The following SSPN variants were observed in gnomAD, a reference collection of about 807,000 sequenced individuals.
SSPN encodes sarcospan.
In SSPN, 15 loss-of-function variants were observed where a neutral mutation model predicts 19.1. The observed-to-expected ratio is 0.78, with a 90% CI of 0.52 to 1.21. SSPN has a LOEUF of 1.21. SSPN is among the 50% of genes most tolerant of loss of function. SSPN has a pLI of 0.00. For synonymous variants in SSPN, 147 were observed against 140.3 expected, an observed-to-expected ratio of 1.05 and a Z score of -0.34; for missense variants, 291 against 314.0, an observed-to-expected ratio of 0.93 and a Z score of 0.55.
At chr12:26,182,413 A>T (rs928383164) in intron 1 of SSPN, among the ~76,000 whole-genome samples, 17 of 152,234 alleles carry the variant, frequency 1.1e-4, no homozygotes, top group Non-Finnish European at 1.5e-4. Context: ...ATTATTTTGG[A>T]TGGTTTTTAA....
At chr12:26,186,196 A>G (rs910461245) in intron 1 of SSPN, among the ~76,000 whole-genome samples, 1 of 103,304 alleles carries the variant, frequency 9.7e-6, no homozygotes, top group African/African-American at 5.7e-5. Context: ...TAACTGCATC[A>G]GGAATGTTAA....
chr12:26,122,120 G>C (rs1480260878), exon 1 of SSPN: 9 of 1,549,306 alleles, frequency 5.8e-6, no homozygotes, highest in Non-Finnish European at 6.1e-6. Context: ...AGCTCTCCGG[G>C]TTCCCCGGCT....
chr12:26,175,407 G>A (rs982388027), intron 1 of SSPN, among the ~76,000 whole-genome samples: 3 of 152,132 alleles, frequency 2.0e-5, no homozygotes, highest in Non-Finnish European at 2.9e-5. Context: ...TGATTACTGA[G>A]TTGGAGAGTT....
chr12:26,165,152 GA>G, intron 1 of SSPN, among the ~76,000 whole-genome samples: 1 of 152,278 alleles, frequency 6.6e-6, no homozygotes, highest in East Asian at 1.9e-4. Flanking sequence ...ATAAGAACAG[GA>G]AGTATACCTT....
intron 1 of SSPN, chr12:26,125,384 C>G (rs1182355706): frequency 1.8e-5 from 3 of 167,674 alleles, no homozygotes; most frequent in Non-Finnish European, 1.3e-5. Flanking sequence ...GGAATGTGAA[C>G]GTGGCTTTTT....
intron 1 of SSPN, among the ~76,000 whole-genome samples, chr12:26,142,875 G>A (rs1944468857): frequency 6.6e-6 from 1 of 152,214 alleles, no homozygotes; most frequent in Admixed American, 6.5e-5. Flanking sequence ...TCCTTCATCT[G>A]TACATGCAAT....
At position 26,232,287 on chromosome 12, in the gene SSPN, C is replaced by G; in HGVS notation, c.*1211C>G. ...TCTTATTTGAGCAATATGGCCTTGA[C>G]TTGGAGGGTAGTTTTAGTTGTTTTG... On this transcript the variant is annotated 3_prime_UTR_variant, in exon 3 of 3. Transcript: ENST00000242729. 2.0e-6 allele frequency: 2 copies of G among 985,382 alleles called. No homozygotes were observed. The highest frequency in any genetic ancestry group is 2.4e-6 in the Non-Finnish European group (2 of 829,918). The allele number at this position is 985,382 out of a possible 1,614,324, so 61.0% of individuals were successfully genotyped here. A position where few individuals can be genotyped will look rare whatever the true frequency, so the allele number is the denominator to read the frequency against.
At chr12:26,156,953 G>A (rs371817918) in intron 1 of SSPN, among the ~76,000 whole-genome samples, 4 of 152,204 alleles carry the variant, frequency 2.6e-5, no homozygotes, top group Non-Finnish European at 5.9e-5. Context: ...CTAGTGTGTG[G>A]AACACTGTAC....
At chr12:26,188,794 G>A (rs565412442) in intron 1 of SSPN, among the ~76,000 whole-genome samples, 1 of 152,234 alleles carries the variant, frequency 6.6e-6, no homozygotes, top group South Asian at 2.1e-4. Context: ...TGCACTCATG[G>A]GACTTATGGT....
upstream of SSPN, chr12:26,195,518 C>G (rs1944818174): frequency 4.0e-6 from 5 of 1,238,090 alleles, no homozygotes; most frequent in South Asian, 1.3e-4. Context: ...CTCCCCGTGG[C>G]CTTTGGAGGC....
intron 1 of SSPN, among the ~76,000 whole-genome samples, chr12:26,143,037 C>A (rs541484196): frequency 6.6e-6 from 1 of 152,316 alleles, no homozygotes; most frequent in South Asian, 2.1e-4. Flanking sequence ...TAGTAAACTT[C>A]TTGAAAGCAA....
chr12:26,189,520 A>G (rs1944774974), intron 1 of SSPN, among the ~76,000 whole-genome samples: 2 of 152,154 alleles, frequency 1.3e-5, no homozygotes, highest in South Asian at 4.1e-4. Flanking sequence ...TTATCTGATC[A>G]AATGTCCCCT....
chr12:26,215,179 G>T (rs1278775624), intron 1 of SSPN, among the ~76,000 whole-genome samples: 1 of 152,158 alleles, frequency 6.6e-6, no homozygotes, highest in East Asian at 1.9e-4. Flanking sequence ...AATTCTGTTG[G>T]AGAGTGATAC....
intron 1 of SSPN, chr12:26,124,215 T>TA: frequency 7.3e-7 from 1 of 1,368,920 alleles, no homozygotes; most frequent in Non-Finnish European, 1.0e-6. Flanking sequence ...GAGAAAACAG[T>TA]AAGCGAAACA....
chr12:26,137,656 A>ATATATAT (rs1377562695), intron 1 of SSPN, among the ~76,000 whole-genome samples: 5 of 76,440 alleles, frequency 6.5e-5, no homozygotes, highest in Admixed American at 1.6e-4. Flanking sequence ...ATATATATAT[A>ATATATAT]TTTTTTTTTT....
chr12:26,131,373 TTGTC>T (rs984541805), intron 1 of SSPN, among the ~76,000 whole-genome samples: 2 of 152,224 alleles, frequency 1.3e-5, no homozygotes, highest in Non-Finnish European at 2.9e-5. Context: ...TTGGAAATGA[TTGTC>T]TGTCTTTTTA....
chr12:26,169,516 A>C (rs1294424427), intron 1 of SSPN, among the ~76,000 whole-genome samples: 1 of 152,136 alleles, frequency 6.6e-6, no homozygotes, highest in Non-Finnish European at 1.5e-5. Context: ...GATTTTGCTG[A>C]GAAAGAGTTT....
Position 26,195,772 on chromosome 12 carries a change from G to A in SSPN, c.100G>A (p.Gly34Arg). The part of the protein sequence containing the change: ...PDDMEPKKGT[G>R]APKECGEEEP... ...CGACATGGAGCCGAAGAAGGGCACG[G>A]GGGCCCCCAAGGAGTGCGGGGAGGA... The change falls in exon 1 of 3, where the codon GGG becomes AGG. Residue 34 changes from glycine (G) to arginine (R), a missense_variant. By Grantham distance (125) the Gly-to-Arg change is moderately radical. Around this residue, in one of 3 missense-constraint regions of SSPN, gnomAD observed 139 missense variants for 119.6 expected, o/e 1.16. Transcript: ENST00000242729. 1 of 1,506,604 alleles carries A rather than the reference G, an allele frequency of 6.6e-7. No individual in the cohort carries two copies. The highest frequency in any genetic ancestry group is 8.8e-7 in the Non-Finnish European group (1 of 1,130,926). The allele number at this position is 1,506,604 out of a possible 1,614,324, so 93.3% of individuals were successfully genotyped here. A position where few individuals can be genotyped will look rare whatever the true frequency, so the allele number is the denominator to read the frequency against.
At chr12:26,128,722 A>G (rs1316887521) in intron 1 of SSPN, among the ~76,000 whole-genome samples, 1 of 152,240 alleles carries the variant, frequency 6.6e-6, no homozygotes, top group Non-Finnish European at 1.5e-5. Flanking sequence ...ATGAGCTCAA[A>G]GCCCCTTTGA....
Sources: gnomAD v4.1 joint callset for allele counts (sites outside exome capture counted in the v4.1 genomes callset) on GRCh38, gnomAD v4.1.1 for gene constraint, gnomAD v4.1.1 regional missense constraint, MANE v1.5 for transcripts, NCBI Gene and HGNC (gene_info 2026-07-23, HGNC 2026-07-21) for gene names.